Variants in ASB5 observed in about 807,000 individuals in gnomAD.
ASB5 encodes ankyrin repeat and SOCS box containing 5.
A neutral mutation model predicts 42.1 loss-of-function variants in ASB5; 45 were observed. That is an observed-to-expected ratio of 1.07 (90% CI 0.84 to 1.37). The LOEUF is 1.37. Ranked by LOEUF, ASB5 falls within the 40% of genes most tolerant of loss-of-function variation. The probability of loss-of-function intolerance (pLI) is 0.00; values close to 1 mark genes in which losing one functional copy is unlikely to be tolerated. For synonymous variants in ASB5, 147 were observed against 150.6 expected (o/e 0.98, Z 0.18); for missense variants, 402 against 399.8 (o/e 1.01, Z -0.05).
intron 6 of ASB5, 69 bp downstream of exon 6, chr4:176,216,749 T>C (rs1258593090): frequency 3.8e-6 from 5 of 1,306,604 alleles, no homozygotes; most frequent in Non-Finnish European, 5.2e-6. Flanking sequence ...CAACAAAAAC[T>C]CTCTCACTTT....
At chr4:176,235,494 A>C (rs1461396194) in intron 1 of ASB5, among the ~76,000 whole-genome samples, 2 of 152,206 alleles carry the variant, frequency 1.3e-5, no homozygotes, top group Non-Finnish European at 2.9e-5. Flanking sequence ...ATGTGAAAAA[A>C]TATAGTTCTA....
At chr4:176,240,822 G>A (rs1753795578) in intron 1 of ASB5, among the ~76,000 whole-genome samples, 1 of 152,136 alleles carries the variant, frequency 6.6e-6, no homozygotes, top group Admixed American at 6.5e-5. Flanking sequence ...ATGGATTTTT[G>A]AGGGTATATT....
At position 176,237,194 on chromosome 4, in the gene ASB5, T is replaced by C. The variant is rs532265982; in HGVS notation, c.197-11853A>G. On this transcript the variant is annotated intron_variant, in intron 1 of 6. Transcript: ENST00000296525. Reference sequence around the variant, plus strand: ...CCATACATGTGCATTTCAATCCGCATTCTGGAAAGCACCCGCAGTTTAAAG... The same window carrying C: ...CCATACATGTGCATTTCAATCCGCACTCTGGAAAGCACCCGCAGTTTAAAG... The C allele has an allele frequency of 1.8e-4, 150 of 825,872 alleles. No individual in the cohort carries two copies. In the African/African-American group the frequency reaches 2.6e-3, roughly 14 times the overall value. The allele number at this position is 825,872 out of a possible 1,614,324, so 51.2% of individuals were successfully genotyped here. A position where few individuals can be genotyped will look rare whatever the true frequency, so the allele number is the denominator to read the frequency against.
intron 5 of ASB5, among the ~76,000 whole-genome samples, 186 bp downstream of exon 5, chr4:176,220,969 G>A (rs867447792): frequency 2.0e-5 from 3 of 152,112 alleles, no homozygotes; most frequent in African/African-American, 7.2e-5. Flanking sequence ...TATCAAGAAC[G>A]AGGTTCTTTT....
intron 1 of ASB5, among the ~76,000 whole-genome samples, chr4:176,239,700 C>A (rs1186906093): frequency 6.6e-6 from 1 of 152,090 alleles, no homozygotes; most frequent in Non-Finnish European, 1.5e-5. Flanking sequence ...TTTAAGAAGG[C>A]TTTCTGTAGT....
intron 2 of ASB5, among the ~76,000 whole-genome samples, chr4:176,222,750 GT>G (rs11324796): frequency 0.22 from 33,895 of 151,916 alleles, 3,957 homozygotes; most frequent in African/African-American, 0.29. Context: ...CTAAACACTC[GT>G]TTTGTAGAAC....
chr4:176,225,224 G>T (rs1217487207), intron 2 of ASB5, 38 bp downstream of exon 2: 2 of 1,520,326 alleles, frequency 1.3e-6, no homozygotes, highest in Non-Finnish European at 1.8e-6. Context: ...TGTGCACATG[G>T]AAAGGGGGTA....
intron 1 of ASB5, among the ~76,000 whole-genome samples, chr4:176,263,310 A>G (rs1450542217): frequency 2.0e-5 from 3 of 152,186 alleles, no homozygotes; most frequent in African/African-American, 7.2e-5. Flanking sequence ...CCTTTATAGT[A>G]ACACAAAATG....
Position 176,243,580 on chromosome 4 carries a change from G to A in ASB5, c.197-18239C>T, listed in dbSNP as rs184338430. On this transcript the variant is annotated intron_variant, in intron 1 of 6. Transcript: ENST00000296525. ...TGCGATGGCACAATCTCGGCTCACCGCAACCTCCGTCTCCCAGGTTCAAAT... is the reference window on the plus strand; with the variant it reads ...TGCGATGGCACAATCTCGGCTCACCACAACCTCCGTCTCCCAGGTTCAAAT... Among the ~76,000 whole-genome samples, 886 of 152,030 alleles carry A rather than the reference G, an allele frequency of 5.8e-3. 8 individuals carry two copies. The highest frequency in any genetic ancestry group is 0.019 in the African/African-American group (778 of 41,478).
intron 3 of ASB5, 78 bp from the exon 4 acceptor site, chr4:176,221,678 A>G (rs1189736822): frequency 1.5e-6 from 2 of 1,325,670 alleles, no homozygotes; most frequent in Non-Finnish European, 2.0e-6. Flanking sequence ...GTCAAAAGGT[A>G]TGTGATTTGC....
chr4:176,221,411 A>C, intron 4 of ASB5, 39 bp downstream of exon 4: 3 of 1,604,564 alleles, frequency 1.9e-6, no homozygotes, highest in Non-Finnish European at 2.6e-6. Context: ...TGCTAAAGAA[A>C]CTTTCTTCCC....
At chr4:176,235,826 G>A (rs567491806) in intron 1 of ASB5, among the ~76,000 whole-genome samples, 2 of 151,410 alleles carry the variant, frequency 1.3e-5, no homozygotes, top group South Asian at 2.1e-4. Context: ...TAGCATGGGG[G>A]CATTTTTTTT....
intron 1 of ASB5, 144 bp downstream of exon 1, chr4:176,268,769 G>T: frequency 1.5e-6 from 1 of 645,718 alleles, no homozygotes. Flanking sequence ...TTTTTATAAA[G>T]CCACGAAGTG....
chr4:176,226,294 T>G (rs1193215649), intron 1 of ASB5, among the ~76,000 whole-genome samples: 1 of 152,200 alleles, frequency 6.6e-6, no homozygotes. Context: ...CTCCTCCTCC[T>G]GCCCTTGGAC....
intron 1 of ASB5, among the ~76,000 whole-genome samples, chr4:176,255,700 G>C (rs369572364): frequency 6.6e-6 from 1 of 152,156 alleles, no homozygotes; most frequent in South Asian, 2.1e-4. Flanking sequence ...AGACACAGGG[G>C]ACTACTAGAG....
rs187693825 is a variant in ASB5, at chr4:176,229,591, T to A, written c.197-4250A>T. The stretch of plus-strand genomic sequence containing the variant: ...TAAGTATCCAAATCGCATCCCCCTG[T>A]TTCCCCCCAGGCTGTCGCTTAGCTT... On this transcript the variant is annotated intron_variant, in intron 1 of 6. Coordinates refer to ENST00000296525, the MANE Select transcript of ASB5 (RefSeq NM_080874.4). 3.3e-4 allele frequency among the ~76,000 whole-genome samples: 50 copies of A among 152,236 alleles called. 1 individual carries two copies. Among genetic ancestry groups the A allele is most frequent in the African/African-American group, 1.2e-3 (49 of 41,552 alleles).
At chr4:176,249,111 C>A (rs567713340) in intron 1 of ASB5, among the ~76,000 whole-genome samples, 1 of 152,180 alleles carries the variant, frequency 6.6e-6, no homozygotes, top group Non-Finnish European at 1.5e-5. Context: ...GGATGACAGG[C>A]GTGGGCCACC....
intron 1 of ASB5, among the ~76,000 whole-genome samples, chr4:176,258,308 A>G (rs918616853): frequency 1.3e-5 from 2 of 152,210 alleles, no homozygotes; most frequent in African/African-American, 4.8e-5. Flanking sequence ...ACACAGCTAG[A>G]AAATGCTACA....
At chr4:176,222,257 G>T in intron 3 of ASB5, 56 bp downstream of exon 3, 1 of 1,460,588 alleles carries the variant, frequency 6.8e-7, no homozygotes, top group Non-Finnish European at 9.6e-7. Context: ...TGAGAACTCT[G>T]TTGGATTCCC....
Sources: gnomAD v4.1 joint callset for allele counts (sites outside exome capture counted in the v4.1 genomes callset) on GRCh38, gnomAD v4.1.1 for gene constraint, MANE v1.5 for transcripts, NCBI Gene and HGNC (gene_info 2026-07-23, HGNC 2026-07-21) for gene names.